Variants in SNORC observed in about 807,000 individuals in gnomAD.
The protein encoded by SNORC is protein SNORC.
SNORC carries 11 observed loss-of-function variants against 9.7 expected under a neutral mutation model. The ratio of observed to expected loss-of-function variants is 1.14; its 90% CI spans 0.72 to 1.88. SNORC has a LOEUF of 1.88. Ranked by LOEUF, SNORC falls within the 40% of genes most tolerant of loss-of-function variation. The pLI, the probability that SNORC is intolerant of heterozygous loss-of-function variation, is 0.00. For synonymous variants in SNORC, 108 were observed against 88.7 expected, an observed-to-expected ratio of 1.22 and a Z score of -1.22; for missense variants, 197 against 173.1, an observed-to-expected ratio of 1.14 and a Z score of -0.77.
rs111645789 is a variant in SNORC, at chr2:232,872,258, A to C, written c.73+1844A>C. Reference sequence around the variant, plus strand: ...CTGAGGCCCAGGCCCCATCTGAGGCACAGGCCCTCCCTGTTGGGGGCCTGT... The same window carrying C: ...CTGAGGCCCAGGCCCCATCTGAGGCCCAGGCCCTCCCTGTTGGGGGCCTGT... On this transcript the variant is annotated intron_variant, in intron 1 of 2. Coordinates refer to ENST00000331342, the Ensembl canonical transcript of SNORC. 3.4e-3 allele frequency among the ~76,000 whole-genome samples: 524 copies of C among 152,208 alleles called. 4 individuals carry two copies. Among genetic ancestry groups the C allele is most frequent in the African/African-American group, 0.012 (507 of 41,540 alleles).
At chr2:232,867,214 CCTGT>C (rs1271501889), upstream of SNORC, among the ~76,000 whole-genome samples, 2 of 152,224 alleles carry the variant, frequency 1.3e-5, no homozygotes, top group Non-Finnish European at 2.9e-5. Flanking sequence ...TGGGGAATCA[CCTGT>C]CTGTCGAATG....
upstream of SNORC, chr2:232,869,191 G>C (rs1690934639): frequency 6.6e-6 from 1 of 152,160 alleles, no homozygotes; most frequent in Non-Finnish European, 1.5e-5. Context: ...TCAAGCTGAG[G>C]CTTGAATGGA....
downstream of SNORC, chr2:232,876,678 C>T (rs1691264769): frequency 1.0e-6 from 1 of 1,000,580 alleles, no homozygotes; most frequent in South Asian, 4.7e-5. This position sits in a 1 kb window ranked among gnomAD's most constrained non-coding sequence, Gnocchi z 6.8. Context: ...GGCTGGAGTG[C>T]CTCAGGAGCG....
At chr2:232,867,673 C>G (rs563791281), upstream of SNORC, among the ~76,000 whole-genome samples, 1 of 152,332 alleles carries the variant, frequency 6.6e-6, no homozygotes, top group South Asian at 2.1e-4. Flanking sequence ...CCTGCCTCCC[C>G]AGGGTGGGTT....
chr2:232,876,882 TCCCATCCCGCTCC>T, downstream of SNORC: 2 of 985,248 alleles, frequency 2.0e-6, no homozygotes, highest in Non-Finnish European at 2.4e-6. The surrounding 1 kb of genome is among the most constrained non-coding windows in gnomAD (Gnocchi z 6.8). Context: ...GGGGCCTGCC[TCCCATCCCGCTCC>T]GCTGGGGTTC....
At chr2:232,868,894 G>A (rs1296255283), upstream of SNORC, 1 of 152,182 alleles carries the variant, frequency 6.6e-6, no homozygotes, top group East Asian at 1.9e-4. Context: ...TGACACCTTA[G>A]AATTCATTCC....
chr2:232,875,620 A>C, intron 1 of SNORC: 2 of 472,234 alleles, frequency 4.2e-6, no homozygotes. Context: ...GGGACTGAGA[A>C]TGTCTCCTTT....
chr2:232,872,966 C>G (rs2106191067), intron 1 of SNORC, among the ~76,000 whole-genome samples: 1 of 152,336 alleles, frequency 6.6e-6, no homozygotes, highest in African/African-American at 2.4e-5. Context: ...CACTTGGGCA[C>G]CAGCCTAGGT....
At chr2:232,866,950 G>T (rs949561768), upstream of SNORC, among the ~76,000 whole-genome samples, 3 of 152,110 alleles carry the variant, frequency 2.0e-5, no homozygotes, top group African/African-American at 7.2e-5. Flanking sequence ...TAGAGACAGG[G>T]TTTCACCATG....
chr2:232,871,155 G>C (rs1306104641), intron 1 of SNORC, among the ~76,000 whole-genome samples: 3 of 152,210 alleles, frequency 2.0e-5, no homozygotes, highest in Non-Finnish European at 4.4e-5. Context: ...ACAGTAGCGG[G>C]GTTCAGGGAC....
downstream of SNORC, chr2:232,877,893 C>T (rs141082560): frequency 9.1e-3 from 1,393 of 152,422 alleles, 8 homozygotes; most frequent in Non-Finnish European, 0.012. Context: ...ACCCAACATG[C>T]TGTTTCCCAT....
chr2:232,877,456 G>A, downstream of SNORC: 1 of 717,772 alleles, frequency 1.4e-6, no homozygotes, highest in Non-Finnish European at 1.7e-6. Flanking sequence ...GGGAAGGGTT[G>A]GACAGTTTGG....
chr2:232,877,362 ACTTTGATC>A, downstream of SNORC: 1 of 985,356 alleles, frequency 1.0e-6, no homozygotes, highest in Non-Finnish European at 1.2e-6. Context: ...AGAGATGTAA[ACTTTGATC>A]CTTTGATCAT....
chr2:232,871,955 T>C (rs1691040582), intron 1 of SNORC, among the ~76,000 whole-genome samples: 1 of 152,126 alleles, frequency 6.6e-6, no homozygotes, highest in Non-Finnish European at 1.5e-5. Context: ...CGGGTGGGCT[T>C]CCTCTGCCAC....
At chr2:232,877,435 G>A (rs1691316400), downstream of SNORC, 2 of 897,092 alleles carry the variant, frequency 2.2e-6, no homozygotes, top group South Asian at 1.0e-4. Context: ...CCAGTCCCCA[G>A]GGCCTTTGGA....
upstream of SNORC, among the ~76,000 whole-genome samples, chr2:232,869,403 G>T (rs1466292260): frequency 6.6e-6 from 1 of 152,190 alleles, no homozygotes; most frequent in Admixed American, 6.5e-5. Flanking sequence ...TGAAGTAGGG[G>T]GCGCTGACAG....
chr2:232,870,308 G>C, exon 1 of SNORC: 1 of 1,546,594 alleles, frequency 6.5e-7, no homozygotes, highest in Non-Finnish European at 8.7e-7. Flanking sequence ...TCCTCCGTGC[G>C]TCCCGCCCGC....
chr2:232,870,197 G>A (rs1690968615), upstream of SNORC: 2 of 716,844 alleles, frequency 2.8e-6, no homozygotes, highest in Non-Finnish European at 4.8e-6. Context: ...GGGTGGGGAG[G>A]TGCGGGCACG....
At chr2:232,872,505 C>T (rs1309091499) in intron 1 of SNORC, among the ~76,000 whole-genome samples, 1 of 152,214 alleles carries the variant, frequency 6.6e-6, no homozygotes, top group African/African-American at 2.4e-5. Context: ...GCAGTGCCAC[C>T]AGCCCCTGCT....
Sources: allele counts gnomAD v4.1 joint callset (sites outside exome capture counted in the v4.1 genomes callset), GRCh38; gene constraint gnomAD v4.1.1; non-coding constraint Gnocchi (gnomAD v3.1); transcripts MANE v1.5; gene names NCBI Gene and HGNC (gene_info 2026-07-23, HGNC 2026-07-21).